ACIN1: variants seen among roughly 807,000 people sequenced by gnomAD.
The protein encoded by ACIN1 is apoptotic chromatin condensation inducer in the nucleus.
A neutral mutation model predicts 146.6 loss-of-function variants in ACIN1; 16 were observed. The observed-to-expected ratio is 0.11, with a 90% CI of 0.07 to 0.17. ACIN1 has a LOEUF of 0.17. ACIN1 is among the 10% of genes least tolerant of loss of function. ACIN1 has a pLI of 1.00. For synonymous variants in ACIN1, 569 were observed against 582.7 expected (o/e 0.98, Z 0.34); for missense variants, 1,357 against 1,609.3 (o/e 0.84, Z 2.68).
rs3841035 is a variant in ACIN1, at chr14:23,080,669, TTCC to T, written c.663_665del (p.Glu223del). ...CACCTTCCTCTTCTTCATCATCTTCTTCCTCCTCCTCCTCCTCCTCTTCTTCCT... is the reference window on the plus strand; with the variant it reads ...CACCTTCCTCTTCTTCATCATCTTCTTCCTCCTCCTCCTCCTCTTCTTCCT... On this transcript the variant is annotated inframe_deletion, in exon 6 of 19. Transcript: ENST00000605057. 102,802 of 1,612,678 alleles carry T rather than the reference TTCC, an allele frequency of 0.064. 3,914 individuals are homozygous for T. The highest frequency in any genetic ancestry group is 0.17 in the East Asian group (7,679 of 44,840).
intron 8 of ACIN1, chr14:23,071,022 A>G (rs1220763495): frequency 7.3e-7 from 1 of 1,369,200 alleles, no homozygotes; most frequent in African/African-American, 1.5e-5. Context: ...GACTGAAAAC[A>G]AACCAAAACG....
At chr14:23,093,423 T>C in intron 2 of ACIN1, 56 bp downstream of exon 2, 12 of 1,521,712 alleles carry the variant, frequency 7.9e-6, no homozygotes, top group Non-Finnish European at 1.1e-5. Flanking sequence ...ACCACGTCCT[T>C]CCATGTGTCT....
At chr14:23,092,019 A>C (rs1316158759) in intron 2 of ACIN1, among the ~76,000 whole-genome samples, 3 of 152,238 alleles carry the variant, frequency 2.0e-5, no homozygotes, top group African/African-American at 7.2e-5. Context: ...ATATCCATTC[A>C]GCATTTAGAC....
rs1381282818 is a variant in ACIN1, at chr14:23,064,164, G to A, written c.2536C>T (p.Arg846Cys). ...DSRISEDETE[R>C]NGDDGTHDKG... ...TCATGGGTCCCATCATCGCCATTACGCTCTGTCTCATCCTCAGAGATGCGA... is the reference window on the plus strand; with the variant it reads ...TCATGGGTCCCATCATCGCCATTACACTCTGTCTCATCCTCAGAGATGCGA... The change falls in exon 12 of 19, where the codon CGT (arginine) becomes TGT (cysteine). Residue 846 changes from arginine (R) to cysteine (C), a missense_variant. By Grantham distance (180) the Arg-to-Cys change is radical. This residue lies in a region of ACIN1 where 509 missense variants were observed against 719.6 expected (regional missense o/e 0.71). Transcript: ENST00000605057. 7.4e-6 allele frequency: 12 copies of A among 1,613,946 alleles called. No individual in the cohort carries two copies. The highest frequency in any genetic ancestry group is 2.2e-5 in the East Asian group (1 of 44,884).
chr14:23,080,204 T>C lies in ACIN1; in HGVS notation c.1131A>G (p.Glu377=), dbSNP rs1241793444. The stretch of plus-strand genomic sequence containing the variant: ...GGCCTTCCATGGGCTCTATTTCTTC[T>C]TCGCTATGGAGCTGTGGATGAGGTG... ...SPPPHPQLHS[E]EEIEPMEGPA... Residue 377 remains glutamate (E), a synonymous_variant, in exon 6 of 19, where the codon GAA becomes GAG. Coordinates refer to ENST00000605057, the MANE Select transcript of ACIN1 (RefSeq NM_001386863.1). 8 of 1,614,204 alleles carry C rather than the reference T, an allele frequency of 5.0e-6. No homozygotes were observed. Among genetic ancestry groups the C allele is most frequent in the African/African-American group, 1.3e-5 (1 of 75,058 alleles).
chr14:23,078,716 C>G, intron 7 of ACIN1, 104 bp downstream of exon 7: 1 of 1,247,604 alleles, frequency 8.0e-7, no homozygotes, highest in Non-Finnish European at 1.1e-6. Flanking sequence ...CACATTTCTA[C>G]TGAACCTTGT....
chr14:23,089,333 C>T (rs748178465), intron 4 of ACIN1, among the ~76,000 whole-genome samples: 3 of 152,126 alleles, frequency 2.0e-5, no homozygotes, highest in Non-Finnish European at 2.9e-5. Flanking sequence ...GGATTAGAGG[C>T]GTGAGCGACC....
At position 23,058,664 on chromosome 14, in the gene ACIN1, T is replaced by C. The variant is rs1474830470; in HGVS notation, c.*484A>G. The C allele has an allele frequency of 6.2e-6, 1 of 162,320 alleles. No homozygotes were observed. Among genetic ancestry groups the C allele is most frequent in the Non-Finnish European group, 1.3e-5 (1 of 74,818 alleles). The allele number at this position is 162,320 out of a possible 1,614,324, so 10.1% of individuals were successfully genotyped here. The stretch of plus-strand genomic sequence containing the variant: ...ATTGAACAAAAGGAAAAGGTGGATA[T>C]AAAGTGGAACCTGTGGGAAAGAGGC... On this transcript the variant is annotated 3_prime_UTR_variant, in exon 19 of 19. Transcript: ENST00000605057.
At chr14:23,081,287 T>C (rs1048953455) in intron 5 of ACIN1, among the ~76,000 whole-genome samples, 4 of 152,238 alleles carry the variant, frequency 2.6e-5, no homozygotes, top group Non-Finnish European at 5.9e-5. Context: ...AAAGCTTTGA[T>C]TGAATGGTTA....
intron 5 of ACIN1, among the ~76,000 whole-genome samples, chr14:23,081,284 T>C (rs2047938450): frequency 6.6e-6 from 1 of 152,096 alleles, no homozygotes; most frequent in South Asian, 2.1e-4. Context: ...TTTAAAGCTT[T>C]GATTGAATGG....
intron 8 of ACIN1, chr14:23,071,241 G>A (rs2047638002): frequency 3.3e-6 from 5 of 1,494,598 alleles, no homozygotes; most frequent in Non-Finnish European, 4.4e-6. Context: ...AAAAAATAAA[G>A]AAAAAAAACC....
chr14:23,081,176 T>C (rs1388963534), intron 5 of ACIN1, among the ~76,000 whole-genome samples: 2 of 152,124 alleles, frequency 1.3e-5, no homozygotes, highest in Non-Finnish European at 2.9e-5. Flanking sequence ...CATTTTGGTA[T>C]ATTTCTTTTT....
At position 23,059,139 on chromosome 14, in the gene ACIN1, T is replaced by A. The variant is rs755370534; in HGVS notation, c.*9A>T. On this transcript the variant is annotated 3_prime_UTR_variant, in exon 19 of 19. Transcript: ENST00000605057. ...GTGGCTGGTACCTGCAGCTCTAGTG[T>A]TTTCCCAGCTAGCGGCGCCCACCCC... 4 of 1,612,054 alleles carry A rather than the reference T, an allele frequency of 2.5e-6. No individual in the cohort carries two copies. The East Asian group carries it at 8.9e-5, about 36-fold the overall frequency.
rs984867149 is a variant in ACIN1 at position 23,058,650 on chromosome 14, G to A, written c.*498C>T. ...AAATAAAAATAAAAATTGAACAAAA[G>A]GAAAAGGTGGATATAAAGTGGAACC... On this transcript the variant is annotated 3_prime_UTR_variant, in exon 19 of 19. Coordinates refer to ENST00000605057, the MANE Select transcript of ACIN1 (RefSeq NM_001386863.1). The A allele has an allele frequency of 6.3e-6, 1 of 157,730 alleles. No homozygotes were observed. Among genetic ancestry groups the A allele is most frequent in the Admixed American group, 6.4e-5 (1 of 15,712 alleles). 9.8% of individuals were successfully genotyped at this position (157,730 alleles called of 1,614,324 possible).
intron 18 of ACIN1, among the ~76,000 whole-genome samples, chr14:23,060,436 G>C (rs1053786276): frequency 6.6e-6 from 1 of 151,728 alleles, no homozygotes; most frequent in Non-Finnish European, 1.5e-5. Flanking sequence ...CTAAGTTAAA[G>C]ATGCAAAAAC....
intron 13 of ACIN1, 118 bp downstream of exon 13, chr14:23,063,318 T>G: frequency 7.4e-7 from 1 of 1,345,756 alleles, no homozygotes; most frequent in Non-Finnish European, 1.0e-6. Context: ...GAGAAAGATA[T>G]GATATACGAA....
chr14:23,063,533 CTCT>C lies in ACIN1; in HGVS notation c.2637_2639del (p.Glu883del). ...CTGCTTCAGGTTCCTTCTCTTCTTC[CTCT>C]TCTTCCCTCTGCCCATTCTCCTGGC... On this transcript the variant is annotated inframe_deletion, in exon 13 of 19. Coordinates refer to ENST00000605057, the MANE Select transcript of ACIN1 (RefSeq NM_001386863.1). 1.9e-6 allele frequency: 3 copies of C among 1,614,168 alleles called. No individual in the cohort carries two copies. The highest frequency in any genetic ancestry group is 2.5e-6 in the Non-Finnish European group (3 of 1,180,042).
Position 23,059,230 on chromosome 14 carries a change from T to C in ACIN1, c.3770A>G (p.Glu1257Gly). Reference sequence around the variant, plus strand: ...GCGCTTGGTGTCCCTGCGATCCCTTTCCCTGCCTCGTTCTCGGTCCCTTTC... The same window carrying C: ...GCGCTTGGTGTCCCTGCGATCCCTTCCCCTGCCTCGTTCTCGGTCCCTTTC... ...DRERDRERGR[E>G]RDRRDTKRHS... Residue 1257 changes from glutamate to glycine, a missense_variant, in exon 19 of 19, where the codon GAA becomes GGA. This residue lies in a region of ACIN1 where 509 missense variants were observed against 719.6 expected (regional missense o/e 0.71). Transcript: ENST00000605057. 6.2e-7 allele frequency: 1 copy of C among 1,613,814 alleles called. No individual in the cohort carries two copies.
intron 2 of ACIN1, among the ~76,000 whole-genome samples, chr14:23,090,948 A>G (rs2048212469): frequency 6.6e-6 from 1 of 152,204 alleles, no homozygotes; most frequent in African/African-American, 2.4e-5. Context: ...TCTGTTGCCC[A>G]GGCTGGAGTG....
Sources: gnomAD v4.1 joint callset for allele counts (sites outside exome capture counted in the v4.1 genomes callset) on GRCh38, gnomAD v4.1.1 for gene constraint, gnomAD v4.1.1 regional missense constraint, MANE v1.5 for transcripts, NCBI Gene and HGNC (gene_info 2026-07-23, HGNC 2026-07-21) for gene names.